The following VTI1A variants were observed in gnomAD, a reference collection of about 807,000 sequenced individuals.
The protein encoded by VTI1A is vesicle transport through interaction with t-SNAREs homolog 1A.
VTI1A carries 22 observed loss-of-function variants against 34.9 expected under a neutral mutation model. The observed-to-expected ratio is 0.63, with a 90% confidence interval of 0.45 to 0.90. The LOEUF (loss-of-function observed/expected upper bound fraction) is 0.90. VTI1A is among the 40% of genes least tolerant of loss of function. The pLI, the probability that VTI1A is intolerant of heterozygous loss-of-function variation, is 0.00. For synonymous variants in VTI1A, 87 were observed against 97.3 expected, an observed-to-expected ratio of 0.89 and a Z score of 0.62; for missense variants, 268 against 275.6, an observed-to-expected ratio of 0.97 and a Z score of 0.20.
intron 3 of VTI1A, among the ~76,000 whole-genome samples, chr10:112,489,458 A>T (rs1848750617): frequency 6.6e-6 from 1 of 152,238 alleles, no homozygotes; most frequent in East Asian, 1.9e-4. Context: ...AGTGAAATAC[A>T]TTTCCAGAAC....
intron 5 of VTI1A, among the ~76,000 whole-genome samples, chr10:112,631,960 A>G (rs1335458841): frequency 6.6e-6 from 1 of 152,226 alleles, no homozygotes; most frequent in Non-Finnish European, 1.5e-5. Flanking sequence ...ACTGTAATCT[A>G]TGAATCACTT....
At chr10:112,787,698 C>CTTTTTTTTTTTTTTTTTT (rs34862909) in intron 7 of VTI1A, among the ~76,000 whole-genome samples, 37 of 103,198 alleles carry the variant, frequency 3.6e-4, no homozygotes, top group Non-Finnish European at 4.5e-4. Flanking sequence ...TTTTTCTTTT[C>CTTTTTTTTTTTTTTTTTT]TTTTTTTTTT....
intron 3 of VTI1A, among the ~76,000 whole-genome samples, chr10:112,491,343 C>G (rs1589824862): frequency 6.6e-6 from 1 of 152,214 alleles, no homozygotes; most frequent in African/African-American, 2.4e-5. Context: ...AGTGAAGTTA[C>G]TTTCTAGCTG....
intron 2 of VTI1A, among the ~76,000 whole-genome samples, chr10:112,462,896 TTTTA>T (rs59884374): frequency 0.11 from 16,340 of 144,742 alleles, 895 homozygotes; most frequent in Middle Eastern, 0.15. Context: ...TGTTACTGGT[TTTTA>T]TTTATTTATT....
In VTI1A at chr10:112,510,641, CCA is replaced by C. The variant is rs1349772821; in HGVS notation, c.265-16444_265-16443del. ...ACAGTGAGGCTTTGACTCAAAAAAA[CCA>C]CCACCACCACCACCACCACAAAAAC... On this transcript the variant is annotated intron_variant, in intron 3 of 7. Coordinates refer to ENST00000393077, the MANE Select transcript of VTI1A (RefSeq NM_145206.4). Among the ~76,000 whole-genome samples the C allele has an allele frequency of 9.9e-5, 15 of 151,846 alleles. No individual in the cohort carries two copies. In the East Asian group the frequency reaches 2.7e-3, roughly 27 times the overall value.
intron 5 of VTI1A, among the ~76,000 whole-genome samples, chr10:112,539,780 A>G (rs1287967006): frequency 6.6e-6 from 1 of 152,198 alleles, no homozygotes; most frequent in Non-Finnish European, 1.5e-5. Flanking sequence ...GGTACATGTA[A>G]AAATGTTTTA....
chr10:112,502,255 A>G (rs1849271448), intron 3 of VTI1A, among the ~76,000 whole-genome samples: 1 of 150,466 alleles, frequency 6.6e-6, no homozygotes, highest in African/African-American at 2.4e-5. Flanking sequence ...CTGGTCTCCA[A>G]CTCCTAAGCC....
At chr10:112,736,931 C>A in intron 7 of VTI1A, 1 of 632,162 alleles carries the variant, frequency 1.6e-6, no homozygotes, top group South Asian at 1.8e-5. Flanking sequence ...GGCAAGGATG[C>A]TATCAAAGGG....
At chr10:112,520,223 A>G (rs1849964623) in intron 3 of VTI1A, among the ~76,000 whole-genome samples, 1 of 152,048 alleles carries the variant, frequency 6.6e-6, no homozygotes, top group Non-Finnish European at 1.5e-5. Flanking sequence ...GCTGACAACA[A>G]CATCTGGGCA....
At chr10:112,658,618 A>G (rs1847324772) in intron 5 of VTI1A, among the ~76,000 whole-genome samples, 1 of 152,124 alleles carries the variant, frequency 6.6e-6, no homozygotes, top group Admixed American at 6.6e-5. Flanking sequence ...AGAAGAATAT[A>G]TAAGCAAAGA....
chr10:112,591,361 A>G (rs767973922), intron 5 of VTI1A, among the ~76,000 whole-genome samples: 35 of 152,316 alleles, frequency 2.3e-4, no homozygotes, highest in Admixed American at 7.8e-4. Context: ...TCTACTAACA[A>G]TACAAAAAAT....
intron 7 of VTI1A, among the ~76,000 whole-genome samples, chr10:112,768,050 G>A (rs1851696998): frequency 6.6e-6 from 1 of 152,184 alleles, no homozygotes; most frequent in Admixed American, 6.5e-5. Context: ...CCAGGACCAA[G>A]CCAGGCTTCC....
chr10:112,486,536 C>G (rs924566041), intron 3 of VTI1A, among the ~76,000 whole-genome samples: 1 of 145,766 alleles, frequency 6.9e-6, no homozygotes, highest in African/African-American at 2.5e-5. Context: ...GACTACTTTT[C>G]TGCTTAAATC....
intron 7 of VTI1A, among the ~76,000 whole-genome samples, chr10:112,684,234 G>A (rs903410193): frequency 1.3e-5 from 2 of 152,026 alleles, no homozygotes; most frequent in Non-Finnish European, 2.9e-5. Flanking sequence ...AGAGTAAACG[G>A]AAAGTGTTTT....
intron 7 of VTI1A, among the ~76,000 whole-genome samples, chr10:112,771,958 C>T (rs1404927217): frequency 6.6e-6 from 1 of 152,164 alleles, no homozygotes; most frequent in Non-Finnish European, 1.5e-5. Context: ...TATTCTTCAG[C>T]CAATGGACAT....
At chr10:112,525,456 G>A (rs1228820139) in intron 3 of VTI1A, among the ~76,000 whole-genome samples, 3 of 152,146 alleles carry the variant, frequency 2.0e-5, no homozygotes, top group Non-Finnish European at 4.4e-5. Flanking sequence ...TTGTGTGGTA[G>A]AATGAGCACT....
chr10:112,755,893 G>A (rs1851268300), intron 7 of VTI1A, among the ~76,000 whole-genome samples: 1 of 152,004 alleles, frequency 6.6e-6, no homozygotes, highest in Admixed American at 6.5e-5. Context: ...TGCATACCAG[G>A]GTCAGAAACA....
intron 5 of VTI1A, among the ~76,000 whole-genome samples, chr10:112,575,987 C>G (rs1341324487): frequency 6.6e-6 from 1 of 151,466 alleles, no homozygotes; most frequent in East Asian, 1.9e-4. Flanking sequence ...TTTGCCCATT[C>G]CCACCCTGCC....
At chr10:112,782,788 C>A (rs1385438283) in intron 7 of VTI1A, among the ~76,000 whole-genome samples, 1 of 151,948 alleles carries the variant, frequency 6.6e-6, no homozygotes, top group Non-Finnish European at 1.5e-5. Flanking sequence ...CCTGAAGGAC[C>A]ACTTGTCAGG....
Sources: gnomAD v4.1 joint callset for allele counts (sites outside exome capture counted in the v4.1 genomes callset) on GRCh38, gnomAD v4.1.1 for gene constraint, MANE v1.5 for transcripts, NCBI Gene and HGNC (gene_info 2026-07-23, HGNC 2026-07-21) for gene names.